The following PTPRC variants were observed in gnomAD, a reference collection of about 807,000 sequenced individuals.
The protein encoded by PTPRC is protein tyrosine phosphatase receptor type C, also known as receptor-type tyrosine-protein phosphatase C.
PTPRC carries 44 observed loss-of-function variants against 155.9 expected under a neutral mutation model. The ratio of observed to expected loss-of-function variants is 0.28; its 90% CI spans 0.22 to 0.36. The LOEUF is 0.36. Among genes scored for constraint, PTPRC ranks in the 10% least tolerant of loss-of-function variants. PTPRC has a pLI of 1.00. For synonymous variants in PTPRC, 525 were observed against 533.1 expected, an observed-to-expected ratio of 0.98 and a Z score of 0.21; for missense variants, 1,401 against 1,564.6, an observed-to-expected ratio of 0.90 and a Z score of 1.76.
chr1:198,738,260 C>A (rs987630271), intron 23 of PTPRC, among the ~76,000 whole-genome samples: 8 of 151,864 alleles, frequency 5.3e-5, no homozygotes, highest in Admixed American at 4.6e-4. Flanking sequence ...AGTTTTTTCT[C>A]ATTTAATATG....
rs1655665555 is a variant in PTPRC at position 198,756,393 on chromosome 1, C to CTCT, written c.*214_*216dup. ...ACGTATGCTTATTTTAAAATTTTATCTCTTATTCAGTAAAAAACAACTTCT... is the reference window on the plus strand; with the variant it reads ...ACGTATGCTTATTTTAAAATTTTATCTCTTCTTATTCAGTAAAAAACAACTTCT... On this transcript the variant is annotated 3_prime_UTR_variant, in exon 33 of 33. Coordinates refer to ENST00000442510, the MANE Select transcript of PTPRC (RefSeq NM_002838.5). The CTCT allele has an allele frequency of 1.6e-6, 1 of 638,164 alleles. No individual in the cohort carries two copies. Among genetic ancestry groups the CTCT allele is most frequent in the African/African-American group, 1.8e-5 (1 of 54,188 alleles). 39.5% of individuals were successfully genotyped at this position (638,164 alleles called of 1,614,324 possible).
At chr1:198,730,681 G>A (rs150105446) in intron 17 of PTPRC, among the ~76,000 whole-genome samples, 11 of 152,168 alleles carry the variant, frequency 7.2e-5, no homozygotes, top group South Asian at 2.1e-4. Context: ...ACCTTGGAAC[G>A]CAGTAGAATT....
At chr1:198,722,888 C>T (rs1286380971) in intron 15 of PTPRC, among the ~76,000 whole-genome samples, 1 of 151,564 alleles carries the variant, frequency 6.6e-6, no homozygotes, top group Non-Finnish European at 1.5e-5. Flanking sequence ...TTAATGGAAG[C>T]TAATATAAGC....
At chr1:198,747,703 T>G (rs1655196663) in intron 26 of PTPRC, among the ~76,000 whole-genome samples, 1 of 151,926 alleles carries the variant, frequency 6.6e-6, no homozygotes, top group Non-Finnish European at 1.5e-5. Flanking sequence ...GAATGAACTT[T>G]CAAAACATGT....
At chr1:198,720,818 G>C (rs74664136) in intron 14 of PTPRC, among the ~76,000 whole-genome samples, 1,898 of 152,142 alleles carry the variant, frequency 0.012, 32 homozygotes, top group African/African-American at 0.038. Flanking sequence ...CAACCTAAAA[G>C]AAATATTTTC....
In PTPRC at chr1:198,706,630, T is replaced by C. The variant is rs1432538186; in HGVS notation, c.686-104T>C. 2.3e-6 allele frequency: 3 copies of C among 1,287,886 alleles called. No individual in the cohort carries two copies. The African/African-American group carries it at 4.5e-5, about 19-fold the overall frequency. 79.8% of individuals were successfully genotyped at this position (1,287,886 alleles called of 1,614,324 possible). On this transcript the variant is annotated intron_variant, in intron 8 of 32. Coordinates refer to ENST00000442510, the MANE Select transcript of PTPRC (RefSeq NM_002838.5). ...CCTAATGTGTTTTTTCTTTTTCATG[T>C]TTTTTGGGGATATTTGGTTAGTTGA... is the stretch of plus-strand genomic sequence containing the variant.
At chr1:198,681,251 T>A (rs905348912) in intron 2 of PTPRC, among the ~76,000 whole-genome samples, 1 of 152,184 alleles carries the variant, frequency 6.6e-6, no homozygotes, top group Non-Finnish European at 1.5e-5. Flanking sequence ...AATTATTTGG[T>A]CAAAACATAA....
chr1:198,703,995 C>T, intron 7 of PTPRC: 1 of 170,946 alleles, frequency 5.8e-6, no homozygotes, highest in South Asian at 1.3e-4. Context: ...TACCCTGGAT[C>T]TAGTAGATGT....
chr1:198,749,328 T>G, intron 27 of PTPRC, 88 bp from the exon 28 acceptor site: 1 of 1,348,020 alleles, frequency 7.4e-7, no homozygotes, highest in East Asian at 2.4e-5. Flanking sequence ...AATCTGTCCC[T>G]TTTTAAATAC....
chr1:198,707,121 TG>T (rs200758922), intron 9 of PTPRC, among the ~76,000 whole-genome samples, 169 bp downstream of exon 9: 304 of 152,288 alleles, frequency 2.0e-3, no homozygotes, highest in African/African-American at 6.9e-3. Context: ...CAAGTAAAAA[TG>T]ATAGAGTCAA....
At chr1:198,733,986 T>C (rs753155392) in intron 20 of PTPRC, among the ~76,000 whole-genome samples, 2 of 151,794 alleles carry the variant, frequency 1.3e-5, no homozygotes, top group Non-Finnish European at 3.0e-5. Flanking sequence ...ATGAAAGTCA[T>C]GAATATTCTT....
intron 14 of PTPRC, among the ~76,000 whole-genome samples, chr1:198,721,773 A>AT (rs1653899482): frequency 6.6e-6 from 1 of 151,732 alleles, no homozygotes; most frequent in Non-Finnish European, 1.5e-5. Flanking sequence ...AAGCTTAGAT[A>AT]TATATTTGTC....
In PTPRC at chr1:198,742,466, C is replaced by A. The variant is rs966684519; in HGVS notation, c.2697+99C>A. On this transcript the variant is annotated intron_variant, in intron 25 of 32. Coordinates refer to ENST00000442510, the MANE Select transcript of PTPRC (RefSeq NM_002838.5). ...ATATTTTTTAAAAATCCAAATTCTT[C>A]ACAACCTCAAACAGTAGATGATTTC... is the stretch of plus-strand genomic sequence containing the variant. 48 of 1,431,716 alleles carry A rather than the reference C, an allele frequency of 3.4e-5. No individual in the cohort carries two copies. The African/African-American group carries it at 6.5e-4, about 19-fold the overall frequency. 88.7% of individuals were successfully genotyped at this position (1,431,716 alleles called of 1,614,324 possible).
At position 198,665,079 on chromosome 1, in the gene PTPRC, C is replaced by CCTTTTTTTTTTTTTTTTT. The variant is rs1557979011; in HGVS notation, c.73+25738_73+25739insCTTTTTTTTTTTTTTTTT. 1.2e-4 allele frequency among the ~76,000 whole-genome samples: 12 copies of CCTTTTTTTTTTTTTTTTT among 102,244 alleles called. 3 individuals carry two copies. The highest frequency in any genetic ancestry group is 1.2e-4 in the Non-Finnish European group (6 of 49,286). 67.1% of individuals were successfully genotyped at this position (102,244 alleles called of 152,430 possible). On this transcript the variant is annotated intron_variant, in intron 2 of 32. Coordinates refer to ENST00000442510, the MANE Select transcript of PTPRC (RefSeq NM_002838.5). ...GAGTGTTTTTAGAACATCCCGGCAG[C>CCTTTTTTTTTTTTTTTTT]ATTTTTTTTTTTTTTTTTTTTTTTT...
At chr1:198,696,113 T>A (rs1035679163) in intron 3 of PTPRC, among the ~76,000 whole-genome samples, 7 of 151,598 alleles carry the variant, frequency 4.6e-5, no homozygotes, top group Non-Finnish European at 1.0e-4. Context: ...TGAGCCAAGA[T>A]CGTGCCACTG....
chr1:198,739,864 A>G (rs1654819909), intron 23 of PTPRC, among the ~76,000 whole-genome samples: 1 of 151,868 alleles, frequency 6.6e-6, no homozygotes, highest in African/African-American at 2.4e-5. Context: ...AAAAAAAATT[A>G]TATAAACTTT....
At chr1:198,681,233 TATG>T (rs1665309150) in intron 2 of PTPRC, among the ~76,000 whole-genome samples, 1 of 152,176 alleles carries the variant, frequency 6.6e-6, no homozygotes, top group South Asian at 2.1e-4. Flanking sequence ...TTTTCTATCT[TATG>T]AAATAATTAT....
intron 2 of PTPRC, among the ~76,000 whole-genome samples, chr1:198,657,396 A>T (rs1485383174): frequency 1.3e-5 from 2 of 152,138 alleles, no homozygotes; most frequent in East Asian, 3.9e-4. Context: ...CTCTAAGCTA[A>T]GAAAGGATGT....
At chr1:198,726,580 A>G (rs1370799339) in intron 15 of PTPRC, among the ~76,000 whole-genome samples, 1 of 152,228 alleles carries the variant, frequency 6.6e-6, no homozygotes, top group Non-Finnish European at 1.5e-5. Context: ...CAGGTCTTAC[A>G]GTCTGTATCT....
Sources: gnomAD v4.1 joint callset for allele counts (sites outside exome capture counted in the v4.1 genomes callset) on GRCh38, gnomAD v4.1.1 for gene constraint, MANE v1.5 for transcripts, NCBI Gene and HGNC (gene_info 2026-07-23, HGNC 2026-07-21) for gene names.